The following ZNRF3 variants were observed in gnomAD, a reference collection of about 807,000 sequenced individuals.
ZNRF3 encodes E3 ubiquitin-protein ligase ZNRF3.
Under a neutral mutation model 72.5 loss-of-function variants are expected in ZNRF3, and 23 were observed. The observed-to-expected ratio is 0.32, with a 90% confidence interval of 0.23 to 0.45. The LOEUF (loss-of-function observed/expected upper bound fraction) is 0.45, where lower values mean the gene tolerates loss of function less well. ZNRF3 is among the 20% of genes least tolerant of loss of function. The probability of loss-of-function intolerance (pLI) is 1.00; values close to 1 mark genes in which losing one functional copy is unlikely to be tolerated. For missense variants in ZNRF3, 1,169 were observed against 1,272.1 expected, an observed-to-expected ratio of 0.92 and a Z score of 1.23; for synonymous variants, 610 against 545.3, an observed-to-expected ratio of 1.12 and a Z score of -1.65.
chr22:28,972,947 G>A (rs5762924), intron 1 of ZNRF3, among the ~76,000 whole-genome samples: 130,324 of 152,236 alleles, frequency 0.86, 56,294 homozygotes, highest in East Asian at 0.95. Context: ...GTAAAAGTTC[G>A]CATACATTTT....
chr22:28,943,343 G>A (rs559039327), intron 1 of ZNRF3, among the ~76,000 whole-genome samples: 3 of 152,254 alleles, frequency 2.0e-5, no homozygotes, highest in African/African-American at 7.2e-5. Context: ...CTTAGCAACC[G>A]ATCCTTTGAC....
intron 2 of ZNRF3, among the ~76,000 whole-genome samples, chr22:28,995,531 A>G (rs187741129): frequency 7.2e-5 from 11 of 152,338 alleles, no homozygotes; most frequent in African/African-American, 2.4e-4. Context: ...ACTTAAAGGA[A>G]AAAGAACTCA....
rs1601582377 is a variant in ZNRF3, at chr22:28,938,504, T to C, written c.301-48572T>C. On this transcript the variant is annotated intron_variant, in intron 1 of 8. Transcript: ENST00000544604. ...AACCTAGTTATCAAAACAGTCTTAC[T>C]CATAGGTATCATTATCCCTGTTAAC... Among the ~76,000 whole-genome samples the C allele has an allele frequency of 2.0e-5, 3 of 152,292 alleles. 1 individual carries two copies. In the South Asian group the frequency reaches 6.2e-4, roughly 32 times the overall value.
chr22:28,974,280 A>G (rs1220202765), intron 1 of ZNRF3, among the ~76,000 whole-genome samples: 10 of 152,044 alleles, frequency 6.6e-5, no homozygotes, highest in Non-Finnish European at 1.2e-4. Flanking sequence ...CTCTTTGACA[A>G]TGCATGTTGC....
At chr22:28,949,545 G>T (rs941804427) in intron 1 of ZNRF3, among the ~76,000 whole-genome samples, 3 of 152,166 alleles carry the variant, frequency 2.0e-5, no homozygotes, top group Admixed American at 2.0e-4. Context: ...CCCACAAAGT[G>T]CTGGGATTAA....
chr22:29,049,217 G>C lies in ZNRF3; in HGVS notation c.1036G>C (p.Ala346Pro). 1.9e-6 allele frequency: 3 copies of C among 1,605,766 alleles called. No homozygotes were observed. The highest frequency in any genetic ancestry group is 2.6e-6 in the Non-Finnish European group (3 of 1,175,270). Residue 346 changes from alanine to proline, a missense_variant, in exon 8 of 9, where the codon GCG becomes CCG. By Grantham distance (27) the Ala-to-Pro change is conservative (BLOSUM62 -1). Transcript: ENST00000544604. This position sits in a 1 kb window ranked among gnomAD's most constrained non-coding sequence, Gnocchi z 5.2. ...NIIEQKGNPS[A>P]VCVETSNLSR... ...TCCAGAACAAAAGGGAAACCCAAGC[G>C]CGGTGTGTGTGGAGACCAGCAACCT...
intron 1 of ZNRF3, among the ~76,000 whole-genome samples, chr22:28,956,073 C>A (rs1251157275): frequency 8.5e-5 from 13 of 152,066 alleles, no homozygotes; most frequent in Admixed American, 8.5e-4. Flanking sequence ...GTTCTGTCAC[C>A]AGTAGAGCAT....
At chr22:29,032,770 C>T (rs538838230) in intron 2 of ZNRF3, among the ~76,000 whole-genome samples, 2 of 152,294 alleles carry the variant, frequency 1.3e-5, no homozygotes, top group Admixed American at 6.5e-5. Flanking sequence ...AGGCCTTTTG[C>T]CGGGTTCTGG....
chr22:29,049,825 C>T lies in ZNRF3; in HGVS notation c.1644C>T (p.Gly548=). 6.2e-7 allele frequency: 1 copy of T among 1,608,758 alleles called. No homozygotes were observed. The part of the protein sequence containing the change: ...VCSGYLADCP[G]SDSSSSSSSG... ...GTGGCTACCTGGCCGACTGCCCAGG[C>T]AGCGACAGCAGCAGCAGCAGCAGCT... is the stretch of plus-strand genomic sequence containing the variant. Residue 548 remains glycine, a synonymous_variant, in exon 8 of 9, where the codon GGC becomes GGT. Coordinates refer to ENST00000544604, the MANE Select transcript of ZNRF3 (RefSeq NM_001206998.2). The surrounding 1 kb of genome is among the most constrained non-coding windows in gnomAD (Gnocchi z 5.2).
chr22:28,975,507 CAAAAAAAAAAAAA>C lies in ZNRF3; in HGVS notation c.301-11560_301-11548del, dbSNP rs71316877. Among the ~76,000 whole-genome samples the C allele has an allele frequency of 6.3e-4, 30 of 47,886 alleles. No homozygotes were observed. The Admixed American group carries it at 7.0e-3, about 11-fold the overall frequency. 31.4% of individuals were successfully genotyped at this position (47,886 alleles called of 152,430 possible). A position where few individuals can be genotyped will look rare whatever the true frequency, so the allele number is the denominator to read the frequency against. ...TGGGAGACAGAGCGATACTCTGTCTCAAAAAAAAAAAAAAAAAAAAAGAGTTCAAGACCAGCCT... is the reference window on the plus strand; with the variant it reads ...TGGGAGACAGAGCGATACTCTGTCTCAAAAAAAAGAGTTCAAGACCAGCCT... On this transcript the variant is annotated intron_variant, in intron 1 of 8. Transcript: ENST00000544604.
rs565996694 is a variant in ZNRF3, at chr22:28,924,004, G to T, written c.300+39938G>T. 5.3e-5 allele frequency among the ~76,000 whole-genome samples: 8 copies of T among 152,374 alleles called. No individual in the cohort carries two copies. In the South Asian group the frequency reaches 1.7e-3, roughly 32 times the overall value. ...TGATGGTATCGGCTTTGCCCCGGGCGGGAACCACAAGATCAAAGGCGCCGC... is the reference window on the plus strand; with the variant it reads ...TGATGGTATCGGCTTTGCCCCGGGCTGGAACCACAAGATCAAAGGCGCCGC... On this transcript the variant is annotated intron_variant, in intron 1 of 8. Transcript: ENST00000544604.
chr22:28,903,066 G>C (rs1038889125), intron 1 of ZNRF3, among the ~76,000 whole-genome samples: 1 of 152,106 alleles, frequency 6.6e-6, no homozygotes, highest in Non-Finnish European at 1.5e-5. Flanking sequence ...GGCTCCCCAG[G>C]GTAGTGCTTA....
chr22:28,931,559 C>G (rs755607383), intron 1 of ZNRF3, among the ~76,000 whole-genome samples: 17 of 152,122 alleles, frequency 1.1e-4, no homozygotes, highest in African/African-American at 3.9e-4. Context: ...GCTGTTAGAC[C>G]GGCATTACTG....
In ZNRF3 at chr22:29,044,898, C is replaced by T; in HGVS notation, c.744+8C>T. On this transcript the variant is annotated splice_region_variant and intron_variant, in intron 5 of 8. Coordinates refer to ENST00000544604, the MANE Select transcript of ZNRF3 (RefSeq NM_001206998.2). ...AAGCAGCGACGCAGTCAGGTAGTGC[C>T]TCTGTGTGTAGCCCGTGAGCAGTAA... is the stretch of plus-strand genomic sequence containing the variant. The T allele has an allele frequency of 6.2e-7, 1 of 1,602,292 alleles. No individual in the cohort carries two copies. The highest frequency in any genetic ancestry group is 8.6e-7 in the Non-Finnish European group (1 of 1,169,356).
chr22:28,921,249 G>A (rs989884645), intron 1 of ZNRF3, among the ~76,000 whole-genome samples: 1 of 151,998 alleles, frequency 6.6e-6, no homozygotes, highest in South Asian at 2.1e-4. Flanking sequence ...TTCACTTAGG[G>A]CTCCATACCT....
chr22:28,944,926 C>CAAATAAATAAATAAAT (rs71316875), intron 1 of ZNRF3, among the ~76,000 whole-genome samples: 2 of 143,566 alleles, frequency 1.4e-5, no homozygotes, highest in Admixed American at 7.0e-5. Context: ...ACTCCGTCTC[C>CAAATAAATAAATAAAT]AAATAAATAA....
chr22:28,949,087 C>A (rs1381810615), intron 1 of ZNRF3, among the ~76,000 whole-genome samples: 1 of 151,936 alleles, frequency 6.6e-6, no homozygotes, highest in East Asian at 1.9e-4. Context: ...TCAATCAATT[C>A]TCTTGCCTCA....
At chr22:29,011,262 G>A (rs1002156142) in intron 2 of ZNRF3, among the ~76,000 whole-genome samples, 2 of 152,240 alleles carry the variant, frequency 1.3e-5, no homozygotes, top group Non-Finnish European at 2.9e-5. Context: ...GAATGATGAG[G>A]AAGTATACAA....
intron 1 of ZNRF3, among the ~76,000 whole-genome samples, chr22:28,915,892 GTCT>G (rs2034399270): frequency 6.6e-6 from 1 of 152,138 alleles, no homozygotes; most frequent in South Asian, 2.1e-4. Context: ...CTAACTTTAT[GTCT>G]TCTTTTGACT....
Sources: gnomAD v4.1 joint callset for allele counts (sites outside exome capture counted in the v4.1 genomes callset) on GRCh38, gnomAD v4.1.1 for gene constraint, Gnocchi (gnomAD v3.1) non-coding constraint, MANE v1.5 for transcripts, NCBI Gene and HGNC (gene_info 2026-07-23, HGNC 2026-07-21) for gene names.